The following EPB41L2 variants were observed in gnomAD, a reference collection of about 807,000 sequenced individuals.
The protein encoded by EPB41L2 is erythrocyte membrane protein band 4.1 like 2, also known as band 4.1-like protein 2.
In EPB41L2, 43 loss-of-function variants were observed where a neutral mutation model predicts 113.0. That is an observed-to-expected ratio of 0.38 (90% CI 0.30 to 0.49). The LOEUF is 0.49. EPB41L2 is among the 20% of genes least tolerant of loss of function. EPB41L2 has a pLI of 0.95. For missense variants in EPB41L2, 1,147 were observed against 1,223.4 expected (o/e 0.94, Z 0.93); for synonymous variants, 442 against 436.7 (o/e 1.01, Z -0.15).
At chr6:130,993,679 G>A (rs9375792) in intron 1 of EPB41L2, among the ~76,000 whole-genome samples, 2 of 146,580 alleles carry the variant, frequency 1.4e-5, no homozygotes, top group Non-Finnish European at 3.0e-5. Context: ...TGCTGACACC[G>A]GCTGCTGGCG....
At chr6:131,006,940 G>C (rs6921542) in intron 1 of EPB41L2, among the ~76,000 whole-genome samples, 42,655 of 151,748 alleles carry the variant, frequency 0.28, 6,381 homozygotes, top group East Asian at 0.43. Context: ...AAGCAGCTTG[G>C]ATCCCATGGG....
intron 4 of EPB41L2, among the ~76,000 whole-genome samples, chr6:130,913,420 G>T (rs1444965074): frequency 1.3e-5 from 2 of 152,020 alleles, no homozygotes; most frequent in African/African-American, 4.8e-5. Context: ...TTCCATTCCT[G>T]CCAAGCATTA....
At chr6:130,865,126 G>A (rs551555474) in intron 17 of EPB41L2, among the ~76,000 whole-genome samples, 34 of 152,312 alleles carry the variant, frequency 2.2e-4, no homozygotes, top group African/African-American at 7.0e-4. Context: ...GTATACTAGC[G>A]ATCTTAAATG....
chr6:130,935,861 C>T (rs996966643), intron 3 of EPB41L2, among the ~76,000 whole-genome samples: 7 of 152,092 alleles, frequency 4.6e-5, no homozygotes, highest in Non-Finnish European at 1.0e-4. Flanking sequence ...ATTCCAGGAA[C>T]CAATTCCCAC....
At chr6:130,856,537 C>T (rs372182573) in intron 19 of EPB41L2, among the ~76,000 whole-genome samples, 1 of 152,156 alleles carries the variant, frequency 6.6e-6, no homozygotes, top group Non-Finnish European at 1.5e-5. Context: ...CACATATTTA[C>T]CAAACTAGCA....
At chr6:130,931,543 A>G (rs981195498) in intron 3 of EPB41L2, among the ~76,000 whole-genome samples, 2 of 152,202 alleles carry the variant, frequency 1.3e-5, no homozygotes, top group Admixed American at 6.5e-5. Context: ...TAAATGCTAC[A>G]TATGAATGTT....
At chr6:130,991,610 A>G (rs891026864) in intron 1 of EPB41L2, among the ~76,000 whole-genome samples, 7 of 152,148 alleles carry the variant, frequency 4.6e-5, no homozygotes, top group African/African-American at 1.7e-4. Flanking sequence ...CTACGTATCT[A>G]CTTCTTTTTT....
chr6:130,897,610 AG>A (rs1200437572), intron 8 of EPB41L2, among the ~76,000 whole-genome samples: 1 of 152,236 alleles, frequency 6.6e-6, no homozygotes, highest in African/African-American at 2.4e-5. Context: ...TAAGAATGGC[AG>A]GGTCTAGAGG....
At chr6:130,841,129 T>A (rs141842300) in intron 19 of EPB41L2, among the ~76,000 whole-genome samples, 4 of 151,494 alleles carry the variant, frequency 2.6e-5, no homozygotes, top group African/African-American at 9.7e-5. Flanking sequence ...ATTACTAAAG[T>A]TGAGCATTGG....
chr6:130,862,716 T>G (rs764450919), intron 18 of EPB41L2, among the ~76,000 whole-genome samples: 4 of 152,142 alleles, frequency 2.6e-5, no homozygotes, highest in Non-Finnish European at 5.9e-5. Context: ...GTCAAAAAAA[T>G]TGGGAGTAAT....
intron 4 of EPB41L2, among the ~76,000 whole-genome samples, chr6:130,922,075 C>A (rs533166120): frequency 6.6e-6 from 1 of 152,138 alleles, no homozygotes; most frequent in Non-Finnish European, 1.5e-5. Flanking sequence ...TATGCGCACA[C>A]GCACGCACGT....
intron 3 of EPB41L2, among the ~76,000 whole-genome samples, chr6:130,942,528 G>T (rs929686665): frequency 4.0e-4 from 61 of 152,202 alleles, no homozygotes; most frequent in African/African-American, 1.4e-3. Flanking sequence ...GTTGTTGCAT[G>T]AGAGAGTGTA....
intron 1 of EPB41L2, among the ~76,000 whole-genome samples, chr6:130,957,693 A>G (rs1345945841): frequency 6.6e-6 from 1 of 152,042 alleles, no homozygotes. Context: ...CAAAAAAAAA[A>G]GTACACTTGT....
At chr6:130,929,843 T>A (rs1806101858) in intron 3 of EPB41L2, among the ~76,000 whole-genome samples, 1 of 122,724 alleles carries the variant, frequency 8.1e-6, no homozygotes. Context: ...GGAGATTAAA[T>A]ACAAGACAGA....
intron 1 of EPB41L2, among the ~76,000 whole-genome samples, chr6:131,050,320 C>T (rs999768493): frequency 6.6e-6 from 1 of 152,084 alleles, no homozygotes; most frequent in African/African-American, 2.4e-5. Context: ...GCCTGGGCAA[C>T]AGAGCGAGAC....
At chr6:131,002,258 C>T (rs1784512630) in intron 1 of EPB41L2, among the ~76,000 whole-genome samples, 2 of 152,104 alleles carry the variant, frequency 1.3e-5, no homozygotes, top group African/African-American at 2.4e-5. Flanking sequence ...GCCCCAAATG[C>T]ACTCAGAACG....
intron 1 of EPB41L2, among the ~76,000 whole-genome samples, chr6:131,026,865 A>C (rs963336978): frequency 1.3e-5 from 2 of 150,904 alleles, no homozygotes; most frequent in African/African-American, 4.9e-5. Flanking sequence ...TCTCACCTCC[A>C]CTCTTCTCTT....
chr6:130,906,813 A>C (rs1408130133), intron 5 of EPB41L2, among the ~76,000 whole-genome samples: 1 of 152,192 alleles, frequency 6.6e-6, no homozygotes, highest in African/African-American at 2.4e-5. Flanking sequence ...AGAAAGAAAG[A>C]GGTAGATACA....
intron 1 of EPB41L2, among the ~76,000 whole-genome samples, chr6:131,013,222 C>G (rs1047606420): frequency 2.4e-5 from 3 of 126,970 alleles, no homozygotes; most frequent in African/African-American, 9.9e-5. Context: ...AAACACACTT[C>G]TAATCAGTTA....
Sources: gnomAD v4.1 joint callset for allele counts (sites outside exome capture counted in the v4.1 genomes callset) on GRCh38, gnomAD v4.1.1 for gene constraint, MANE v1.5 for transcripts, NCBI Gene and HGNC (gene_info 2026-07-23, HGNC 2026-07-21) for gene names.